The following HTR1E variants were observed in gnomAD, a reference collection of about 807,000 sequenced individuals.
HTR1E encodes 5-hydroxytryptamine receptor 1E, also known as 5-HT-1E.
Under a neutral mutation model 3.4 loss-of-function variants are expected in HTR1E, and 3 were observed. The ratio of observed to expected loss-of-function variants is 0.89; its 90% CI spans 0.41 to 2.31. The LOEUF (loss-of-function observed/expected upper bound fraction) is 2.31. Among genes scored for constraint, HTR1E ranks in the 30% most tolerant of loss-of-function variants. The pLI is 0.05. For missense variants in HTR1E, 392 were observed against 467.0 expected (o/e 0.84, Z 1.48); for synonymous variants, 170 against 182.8 (o/e 0.93, Z 0.56).
In HTR1E at chr6:87,001,862, T is replaced by C. The variant is rs117921508; in HGVS notation, c.-185-13288T>C. Among the ~76,000 whole-genome samples, 952 of 152,278 alleles carry C rather than the reference T, an allele frequency of 6.3e-3. 5 individuals are homozygous for C. Among genetic ancestry groups the C allele is most frequent in the Non-Finnish European group, 0.01 (697 of 68,026 alleles). On this transcript the variant is annotated intron_variant, in intron 1 of 1. Transcript: ENST00000305344. ...CAAAAAAGAACTATCTATGAGACTA[T>C]TGGGTCAGTTTCAACTTCATCTATA...
intron 1 of HTR1E, among the ~76,000 whole-genome samples, chr6:86,957,485 T>C (rs1369394680): frequency 1.3e-5 from 2 of 152,186 alleles, no homozygotes; most frequent in Non-Finnish European, 1.5e-5. Context: ...GAAACATTGT[T>C]AGAATTAAAT....
chr6:86,970,650 A>T (rs1234154280), intron 1 of HTR1E: 1 of 160,598 alleles, frequency 6.2e-6, no homozygotes, highest in Non-Finnish European at 1.4e-5. Context: ...GACAGAATGG[A>T]GATTCGAATG....
intron 1 of HTR1E, among the ~76,000 whole-genome samples, chr6:86,999,715 G>C (rs1767991811): frequency 2.0e-5 from 3 of 152,160 alleles, no homozygotes. Flanking sequence ...AATAGCGCTT[G>C]GGAAATGCAA....
At chr6:86,998,780 G>A (rs1767978262) in intron 1 of HTR1E, among the ~76,000 whole-genome samples, 1 of 151,882 alleles carries the variant, frequency 6.6e-6, no homozygotes, top group Admixed American at 6.6e-5. Flanking sequence ...TTCGAAAGCT[G>A]GTTCTTTAAA....
chr6:86,967,384 T>C (rs1351920266), intron 1 of HTR1E, among the ~76,000 whole-genome samples: 1 of 152,184 alleles, frequency 6.6e-6, no homozygotes, highest in Non-Finnish European at 1.5e-5. Context: ...TATATAAATA[T>C]CAATTCTCAC....
chr6:86,974,111 A>G (rs1418769265), intron 1 of HTR1E, among the ~76,000 whole-genome samples: 1 of 152,110 alleles, frequency 6.6e-6, no homozygotes, highest in Non-Finnish European at 1.5e-5. Flanking sequence ...TTATGTTTTT[A>G]CCTTTTTCAT....
intron 1 of HTR1E, among the ~76,000 whole-genome samples, chr6:86,997,355 C>T (rs1455670139): frequency 3.3e-5 from 5 of 150,632 alleles, no homozygotes; most frequent in East Asian, 2.0e-4. Flanking sequence ...TAAAATAAGA[C>T]GAGAATAAAA....
At chr6:86,994,252 C>G (rs1437161919) in intron 1 of HTR1E, among the ~76,000 whole-genome samples, 2 of 151,820 alleles carry the variant, frequency 1.3e-5, no homozygotes, top group East Asian at 3.8e-4. Flanking sequence ...CCCATTTTGG[C>G]AAAAGATAGA....
chr6:86,950,313 G>A (rs1767217935), intron 1 of HTR1E, among the ~76,000 whole-genome samples: 1 of 152,152 alleles, frequency 6.6e-6, no homozygotes, highest in Non-Finnish European at 1.5e-5. Flanking sequence ...TTATTAAAAT[G>A]CAAACTGTTC....
At chr6:86,996,061 G>T (rs115995211) in intron 1 of HTR1E, among the ~76,000 whole-genome samples, 1,954 of 152,080 alleles carry the variant, frequency 0.013, 42 homozygotes, top group African/African-American at 0.044. Context: ...AAAACTGACA[G>T]AACAAAATGA....
In HTR1E at chr6:87,013,920, T is replaced by C. The variant is rs540947940; in HGVS notation, c.-185-1230T>C. Among the ~76,000 whole-genome samples, 25 of 152,034 alleles carry C rather than the reference T, an allele frequency of 1.6e-4. No individual in the cohort carries two copies. In the South Asian group the frequency reaches 4.6e-3, roughly 28 times the overall value. On this transcript the variant is annotated intron_variant, in intron 1 of 1. Coordinates refer to ENST00000305344, the MANE Select transcript of HTR1E (RefSeq NM_000865.3). ...CTCATCATCACTGTCATTAGAGAAA[T>C]GCAAATCAAAACCACAATGAGATAC...
At chr6:86,955,300 C>G (rs1767304694) in intron 1 of HTR1E, among the ~76,000 whole-genome samples, 1 of 152,232 alleles carries the variant, frequency 6.6e-6, no homozygotes. Context: ...CACTGCTATT[C>G]TGTATGTTTG....
rs150143177 is a variant in HTR1E at position 86,988,977 on chromosome 6, G to T, written c.-185-26173G>T. 1.9e-3 allele frequency among the ~76,000 whole-genome samples: 284 copies of T among 152,214 alleles called. 1 individual carries two copies. Among genetic ancestry groups the T allele is most frequent in the Non-Finnish European group, 3.7e-3 (255 of 68,014 alleles). The stretch of plus-strand genomic sequence containing the variant: ...AGGAAATTAAAGTGAAAGTAAATTT[G>T]GGAAATAATAGTGCCATATAAGTGT... On this transcript the variant is annotated intron_variant, in intron 1 of 1. Coordinates refer to ENST00000305344, the MANE Select transcript of HTR1E (RefSeq NM_000865.3).
At chr6:87,002,329 A>C (rs1768035795) in intron 1 of HTR1E, among the ~76,000 whole-genome samples, 2 of 152,186 alleles carry the variant, frequency 1.3e-5, no homozygotes, top group Admixed American at 1.3e-4. Flanking sequence ...TACAGCTCTT[A>C]ATGGTGGTGT....
intron 1 of HTR1E, among the ~76,000 whole-genome samples, chr6:86,951,507 C>T (rs983600628): frequency 6.6e-6 from 1 of 151,996 alleles, no homozygotes; most frequent in Admixed American, 6.6e-5. Flanking sequence ...TTTCTATTTC[C>T]TATGTAAATA....
chr6:86,945,241 G>A (rs1465929929), intron 1 of HTR1E, among the ~76,000 whole-genome samples: 3 of 146,244 alleles, frequency 2.1e-5, no homozygotes, highest in African/African-American at 4.9e-5. Context: ...TCTTAGTTTT[G>A]TTTGTTTGTT....
intron 1 of HTR1E, among the ~76,000 whole-genome samples, chr6:87,002,609 C>G (rs1768041677): frequency 6.6e-6 from 1 of 151,828 alleles, no homozygotes; most frequent in African/African-American, 2.4e-5. Context: ...GCTGATAGTG[C>G]TAATTGGTGT....
intron 1 of HTR1E, among the ~76,000 whole-genome samples, chr6:86,946,511 T>G (rs772370383): frequency 1.3e-5 from 2 of 152,210 alleles, no homozygotes; most frequent in Non-Finnish European, 2.9e-5. Context: ...GGCCTAACAA[T>G]GCATTTCTCA....
Position 86,945,427 on chromosome 6 carries a change from G to C in HTR1E, c.-186+7604G>C, listed in dbSNP as rs1356321928. 2.6e-5 allele frequency among the ~76,000 whole-genome samples: 4 copies of C among 151,954 alleles called. No individual in the cohort carries two copies. In the East Asian group the frequency reaches 7.7e-4, roughly 29 times the overall value. ...CAGCTAATTTTTTGAATTTTTAGTAGAGACGGGATTTCACCATATTGGCCA... is the reference window on the plus strand; with the variant it reads ...CAGCTAATTTTTTGAATTTTTAGTACAGACGGGATTTCACCATATTGGCCA... On this transcript the variant is annotated intron_variant, in intron 1 of 1. Coordinates refer to ENST00000305344, the MANE Select transcript of HTR1E (RefSeq NM_000865.3).
Sources: allele counts gnomAD v4.1 joint callset (sites outside exome capture counted in the v4.1 genomes callset), GRCh38; gene constraint gnomAD v4.1.1; transcripts MANE v1.5; gene names NCBI Gene and HGNC (gene_info 2026-07-23, HGNC 2026-07-21).